DNAH11: variants seen among roughly 807,000 people sequenced by gnomAD.
The protein encoded by DNAH11 is axonemal beta dynein heavy chain 11.
In DNAH11, 442 loss-of-function variants were observed where a neutral mutation model predicts 526.0. The ratio of observed to expected loss-of-function variants is 0.84; its 90% CI spans 0.78 to 0.91. The LOEUF (loss-of-function observed/expected upper bound fraction) is 0.91. Ranked by LOEUF, DNAH11 falls within the 40% of genes least tolerant of loss-of-function variation. DNAH11 has a pLI of 0.00. For synonymous variants in DNAH11, 2,461 were observed against 1,935.9 expected (o/e 1.27, Z -7.12); for missense variants, 6,989 against 5,448.7 (o/e 1.28, Z -8.90).
chr7:21,554,401 C>T (rs1420339275), intron 2 of DNAH11, among the ~76,000 whole-genome samples: 2 of 152,026 alleles, frequency 1.3e-5, no homozygotes, highest in Non-Finnish European at 2.9e-5. Context: ...TCTTGAGGCC[C>T]TGACCTCAGG....
intron 30 of DNAH11, among the ~76,000 whole-genome samples, chr7:21,676,380 A>G (rs959341881): frequency 7.2e-5 from 11 of 152,340 alleles, no homozygotes; most frequent in East Asian, 1.9e-4. Flanking sequence ...AGTGTTTTCT[A>G]TGTCACAGAC....
chr7:21,789,238 C>T lies in DNAH11; in HGVS notation c.9925-3C>T, dbSNP rs774970534. On this transcript the variant is annotated splice_polypyrimidine_tract_variant and splice_region_variant and intron_variant, in intron 60 of 81. Transcript: ENST00000409508. ...GTATCTGTATTAATTCATGAATTTT[C>T]AGGTCTACTGTGATGTGGAGCCAAA... 69 of 1,559,344 alleles carry T rather than the reference C, an allele frequency of 4.4e-5. No individual in the cohort carries two copies. The Admixed American group carries it at 6.9e-4, about 16-fold the overall frequency.
chr7:21,640,959 C>T (rs189505526), intron 28 of DNAH11, among the ~76,000 whole-genome samples: 7 of 152,214 alleles, frequency 4.6e-5, no homozygotes, highest in East Asian at 1.9e-4. Flanking sequence ...GGTGACTGTC[C>T]ATCTTCACCC....
chr7:21,713,332 G>A (rs1458523724), intron 42 of DNAH11, among the ~76,000 whole-genome samples: 2 of 152,104 alleles, frequency 1.3e-5, no homozygotes, highest in African/African-American at 4.8e-5. Flanking sequence ...GCTTCTGGTT[G>A]GTTTGGCCAA....
At chr7:21,789,808 T>TCTTGTTTCTTTCTTTCTTTC in intron 61 of DNAH11, among the ~76,000 whole-genome samples, 9 of 34,126 alleles carry the variant, frequency 2.6e-4, no homozygotes, top group Non-Finnish European at 3.7e-4. Flanking sequence ...TTTCTTTCTT[T>TCTTGTTTCTTTCTTTCTTTC]TTTCTTTCTT....
At chr7:21,823,934 C>T (rs892086149) in intron 65 of DNAH11, among the ~76,000 whole-genome samples, 2 of 152,156 alleles carry the variant, frequency 1.3e-5, no homozygotes, top group Non-Finnish European at 2.9e-5. Context: ...TTGGGGTTCT[C>T]TTTTGATGAT....
At chr7:21,603,675 C>T (rs1172858559) in intron 18 of DNAH11, among the ~76,000 whole-genome samples, 1 of 152,162 alleles carries the variant, frequency 6.6e-6, no homozygotes, top group Admixed American at 6.6e-5. Flanking sequence ...AGCAAGATGA[C>T]AAGTTCTAGA....
At chr7:21,634,155 T>C (rs143053679) in intron 25 of DNAH11, among the ~76,000 whole-genome samples, 3 of 152,306 alleles carry the variant, frequency 2.0e-5, no homozygotes, top group African/African-American at 4.8e-5. Flanking sequence ...ATGACACTTA[T>C]TATTGGTTTA....
At chr7:21,681,517 T>C (rs1783135144) in intron 30 of DNAH11, 29 bp from the exon 31 acceptor site, 1 of 1,606,560 alleles carries the variant, frequency 6.2e-7, no homozygotes, top group African/African-American at 1.3e-5. Flanking sequence ...GTAACCCTTC[T>C]CTCCTTTTTA....
intron 14 of DNAH11, among the ~76,000 whole-genome samples, chr7:21,597,991 G>A (rs773519049): frequency 7.9e-5 from 12 of 152,110 alleles, no homozygotes; most frequent in Non-Finnish European, 1.5e-4. Flanking sequence ...CAGCATTCCT[G>A]AGAAGGAGCA....
chr7:21,675,496 T>A (rs777517521), intron 30 of DNAH11, among the ~76,000 whole-genome samples: 8 of 152,260 alleles, frequency 5.3e-5, no homozygotes, highest in Admixed American at 6.5e-5. Flanking sequence ...TTCTGTGTGC[T>A]GTCAGCATAC....
At chr7:21,828,752 T>A (rs899508194) in intron 65 of DNAH11, among the ~76,000 whole-genome samples, 2 of 150,616 alleles carry the variant, frequency 1.3e-5, no homozygotes, top group African/African-American at 4.9e-5. Flanking sequence ...TTTTTTTCAT[T>A]TTTCTGGGTT....
At chr7:21,710,475 G>T (rs913281885) in intron 40 of DNAH11, 78 bp from the exon 41 acceptor site, 23 of 1,342,318 alleles carry the variant, frequency 1.7e-5, no homozygotes, top group Non-Finnish European at 6.1e-6. Context: ...TTTTTATTTA[G>T]TTAATAAAAG....
intron 45 of DNAH11, among the ~76,000 whole-genome samples, chr7:21,729,651 G>A (rs2965371): frequency 0.65 from 98,753 of 151,698 alleles, 32,520 homozygotes; most frequent in South Asian, 0.73. Flanking sequence ...CAATTCAGCC[G>A]TGTTCCTTGC....
chr7:21,701,326 G>C (rs974052299), intron 36 of DNAH11, among the ~76,000 whole-genome samples: 4 of 121,186 alleles, frequency 3.3e-5, no homozygotes, highest in African/African-American at 1.3e-4. Context: ...GCCTCGCTTT[G>C]TTACCCAGGC....
intron 65 of DNAH11, among the ~76,000 whole-genome samples, chr7:21,828,955 C>T (rs765742966): frequency 6.6e-6 from 1 of 152,026 alleles, no homozygotes; most frequent in African/African-American, 2.4e-5. Flanking sequence ...TTTCCTTGAG[C>T]GTCTTGCCAG....
chr7:21,566,502 A>G (rs1783671102), intron 6 of DNAH11, among the ~76,000 whole-genome samples: 1 of 152,014 alleles, frequency 6.6e-6, no homozygotes, highest in African/African-American at 2.4e-5. Flanking sequence ...TATAGTACTT[A>G]TTTTGTTCAG....
intron 63 of DNAH11, among the ~76,000 whole-genome samples, chr7:21,816,166 G>A (rs546013363): frequency 4.6e-5 from 7 of 152,252 alleles, no homozygotes; most frequent in Admixed American, 3.3e-4. Context: ...CATTCTTCCT[G>A]GGGTGTAAAT....
intron 58 of DNAH11, among the ~76,000 whole-genome samples, chr7:21,785,195 C>A (rs1047285071): frequency 3.9e-5 from 6 of 152,142 alleles, no homozygotes; most frequent in African/African-American, 1.4e-4. Flanking sequence ...GCCTGAGATT[C>A]TTAAGATTCC....
Sources: allele counts gnomAD v4.1 joint callset (sites outside exome capture counted in the v4.1 genomes callset), GRCh38; gene constraint gnomAD v4.1.1; transcripts MANE v1.5; gene names NCBI Gene and HGNC (gene_info 2026-07-23, HGNC 2026-07-21).